Variants in PLEKHG4B observed in about 807,000 individuals in gnomAD.
PLEKHG4B encodes the protein pleckstrin homology domain-containing family G member 4B.
Under a neutral mutation model 121.3 loss-of-function variants are expected in PLEKHG4B, and 111 were observed. The ratio of observed to expected loss-of-function variants is 0.92; its 90% confidence interval spans 0.78 to 1.07. PLEKHG4B has a LOEUF of 1.07. PLEKHG4B is among the 50% of genes least tolerant of loss of function. The pLI, the probability that PLEKHG4B is intolerant of heterozygous loss-of-function variation, is 0.00. For missense variants in PLEKHG4B, 1,831 were observed against 1,757.8 expected, an observed-to-expected ratio of 1.04 and a Z score of -0.74; for synonymous variants, 738 against 725.0, an observed-to-expected ratio of 1.02 and a Z score of -0.29.
chr5:111,434 AC>A (rs1734153821), intron 1 of PLEKHG4B, among the ~76,000 whole-genome samples: 1 of 152,202 alleles, frequency 6.6e-6, no homozygotes, highest in African/African-American at 2.4e-5. Context: ...TCAGGGCTTG[AC>A]AGCGCAGTGC....
chr5:145,085 A>G (rs760804806), intron 6 of PLEKHG4B, among the ~76,000 whole-genome samples, 165 bp downstream of exon 6: 4 of 152,196 alleles, frequency 2.6e-5, no homozygotes, highest in Non-Finnish European at 4.4e-5. Flanking sequence ...GGGTCTTCCC[A>G]GTGAGTCCAG....
At chr5:117,179 A>G (rs1734330752) in intron 2 of PLEKHG4B, among the ~76,000 whole-genome samples, 2 of 152,236 alleles carry the variant, frequency 1.3e-5, no homozygotes. Flanking sequence ...ACTTAGGGAC[A>G]GTCTACTTGA....
chr5:113,960 G>A lies in PLEKHG4B; in HGVS notation c.243+512G>A, dbSNP rs982102502. Among the ~76,000 whole-genome samples the A allele has an allele frequency of 1.3e-4, 20 of 152,156 alleles. No homozygotes were observed. The highest frequency in any genetic ancestry group is 3.2e-3 in the Middle Eastern group (1 of 316). ...ACCAGCAAAGTAAGGCAGATACCAC[G>A]CTAATGCCAGACACACAAAGTTTTT... On this transcript the variant is annotated intron_variant, in intron 2 of 19. Transcript: ENST00000637938. The surrounding 1 kb of genome is among the most constrained non-coding windows in gnomAD (Gnocchi z 5.2).
intron 13 of PLEKHG4B, among the ~76,000 whole-genome samples, chr5:168,506 G>A (rs1257802844): frequency 4.6e-5 from 7 of 152,174 alleles, no homozygotes; most frequent in Non-Finnish European, 1.0e-4. Context: ...TCCAAAAGCC[G>A]TTTTCTCACG....
chr5:164,620 G>GTGACGGAGCGGAGCTCACACTAATGCTC (rs1560944977), intron 13 of PLEKHG4B, among the ~76,000 whole-genome samples: 3 of 132,288 alleles, frequency 2.3e-5, no homozygotes, highest in Non-Finnish European at 3.4e-5. Context: ...CAGTAATGCT[G>GTGACGGAGCGGAGCTCACACTAATGCTC]TGACGGAGCG....
chr5:138,471 C>T (rs368140253), intron 2 of PLEKHG4B, among the ~76,000 whole-genome samples: 11 of 152,188 alleles, frequency 7.2e-5, no homozygotes, highest in African/African-American at 2.4e-4. Flanking sequence ...TAGAAAAAGG[C>T]TTTTGAGAAT....
rs181902985 is a variant in PLEKHG4B at position 127,850 on chromosome 5, G to A, written c.244-11633G>A. 2.3e-3 allele frequency among the ~76,000 whole-genome samples: 355 copies of A among 152,274 alleles called. 1 individual carries two copies. The highest frequency in any genetic ancestry group is 8.0e-3 in the African/African-American group (333 of 41,532). On this transcript the variant is annotated intron_variant, in intron 2 of 19. Coordinates refer to ENST00000637938, the MANE Select transcript of PLEKHG4B (RefSeq NM_052909.5). ...ATGTGCCTGAGGTGGTCAGGGTACA[G>A]CTTGGTTTTATACATTTTAGGGATA... is the stretch of plus-strand genomic sequence containing the variant.
In PLEKHG4B at chr5:113,075, G is replaced by C. The variant is rs1049175271; in HGVS notation, c.46-176G>C. ...GACAGCACAAGGAGAACCACCAGGA[G>C]CTCGCCCTGCACCATGGATTCGCCT... On this transcript the variant is annotated intron_variant, in intron 1 of 19. Coordinates refer to ENST00000637938, the MANE Select transcript of PLEKHG4B (RefSeq NM_052909.5). This position sits in a 1 kb window ranked among gnomAD's most constrained non-coding sequence, Gnocchi z 5.2. Among the ~76,000 whole-genome samples, 1 of 152,168 alleles carries C rather than the reference G, an allele frequency of 6.6e-6. No individual in the cohort carries two copies. Among genetic ancestry groups the C allele is most frequent in the African/African-American group, 2.4e-5 (1 of 41,446 alleles).
At chr5:135,281 G>A (rs1168540051) in intron 2 of PLEKHG4B, among the ~76,000 whole-genome samples, 1 of 150,994 alleles carries the variant, frequency 6.6e-6, no homozygotes, top group Admixed American at 6.6e-5. Flanking sequence ...TAAAAGACTT[G>A]TTCACTGAAA....
intron 18 of PLEKHG4B, among the ~76,000 whole-genome samples, chr5:179,978 C>CT (rs1218861503): frequency 6.6e-6 from 1 of 152,192 alleles, no homozygotes; most frequent in African/African-American, 2.4e-5. Flanking sequence ...ATCCTGTGAT[C>CT]TACTTCCTGC....
chr5:121,445 G>A (rs1734466126), intron 2 of PLEKHG4B, among the ~76,000 whole-genome samples: 1 of 152,182 alleles, frequency 6.6e-6, no homozygotes, highest in Non-Finnish European at 1.5e-5. Flanking sequence ...CAAAACCTCA[G>A]TAACTGGTGT....
In PLEKHG4B at chr5:171,142, C is replaced by G. The variant is rs376386852; in HGVS notation, c.3819+10C>G. On this transcript the variant is annotated intron_variant, in intron 15 of 19. Transcript: ENST00000637938. Reference sequence around the variant, plus strand: ...CAACGCCTTCTTCAAGGTCATCCCCCTCGGCCCGCCCCCCACAGCCTGCCC... The same window carrying G: ...CAACGCCTTCTTCAAGGTCATCCCCGTCGGCCCGCCCCCCACAGCCTGCCC... The G allele has an allele frequency of 3.7e-6, 6 of 1,611,226 alleles. No individual in the cohort carries two copies. The highest frequency in any genetic ancestry group is 5.1e-6 in the Non-Finnish European group (6 of 1,178,690).
intron 2 of PLEKHG4B, among the ~76,000 whole-genome samples, chr5:118,627 A>T (rs182658096): frequency 5.3e-4 from 80 of 152,256 alleles, no homozygotes; most frequent in Non-Finnish European, 3.7e-4. Flanking sequence ...ACTCCCCTTC[A>T]TGTTGGTATT....
chr5:144,032 C>A (rs1019489596), intron 5 of PLEKHG4B: 2 of 156,824 alleles, frequency 1.3e-5, no homozygotes, highest in African/African-American at 4.8e-5. Flanking sequence ...TAGCCTCAAT[C>A]TCCTGGGCTA....
rs748829231 is a variant in PLEKHG4B at position 182,367 on chromosome 5, C to T, written c.*44C>T. The T allele has an allele frequency of 3.9e-6, 6 of 1,525,158 alleles. No individual in the cohort carries two copies. Among genetic ancestry groups the T allele is most frequent in the Admixed American group, 3.9e-5 (2 of 51,400 alleles). The allele number at this position is 1,525,158 out of a possible 1,614,324, so 94.5% of individuals were successfully genotyped here. On this transcript the variant is annotated 3_prime_UTR_variant, in exon 20 of 20. Coordinates refer to ENST00000637938, the MANE Select transcript of PLEKHG4B (RefSeq NM_052909.5). ...TGCCCATCATGTGGCTAGAACAATACAGAGGGAGCAGCACGCCAGGCCTGA... is the reference window on the plus strand; with the variant it reads ...TGCCCATCATGTGGCTAGAACAATATAGAGGGAGCAGCACGCCAGGCCTGA...
Position 184,054 on chromosome 5 carries a change from TA to T in PLEKHG4B, c.*1732del, listed in dbSNP as rs1259661350. On this transcript the variant is annotated 3_prime_UTR_variant, in exon 20 of 20. Transcript: ENST00000637938. ...ACTGACAGACAGATGAGAGGGGCCT[TA>T]GGGGCATTGGCTGACACAATTTTGG... 1 of 150,770 alleles carries T rather than the reference TA, an allele frequency of 6.6e-6. No homozygotes were observed. The highest frequency in any genetic ancestry group is 2.5e-5 in the African/African-American group (1 of 40,376). 9.3% of individuals were successfully genotyped at this position (150,770 alleles called of 1,614,324 possible). A position where few individuals can be genotyped will look rare whatever the true frequency, so the allele number is the denominator to read the frequency against.
intron 6 of PLEKHG4B, among the ~76,000 whole-genome samples, chr5:146,241 C>G (rs1450229344): frequency 7.7e-6 from 1 of 129,258 alleles, no homozygotes; most frequent in Non-Finnish European, 1.7e-5. Flanking sequence ...TTTCCACCCC[C>G]ACAGTCGTTC....
chr5:164,793 C>T (rs189149567), intron 13 of PLEKHG4B, among the ~76,000 whole-genome samples: 10 of 88,632 alleles, frequency 1.1e-4, no homozygotes, highest in South Asian at 4.4e-4. Flanking sequence ...AATGCTCTGA[C>T]GGGGCGGAGC....
chr5:105,592 C>G (rs1447377966), intron 1 of PLEKHG4B, among the ~76,000 whole-genome samples: 1 of 152,212 alleles, frequency 6.6e-6, no homozygotes, highest in African/African-American at 2.4e-5. Flanking sequence ...ACAGACCTGG[C>G]AAAGCAGCTG....
Sources: allele counts gnomAD v4.1 joint callset (sites outside exome capture counted in the v4.1 genomes callset), GRCh38; gene constraint gnomAD v4.1.1; non-coding constraint Gnocchi (gnomAD v3.1); transcripts MANE v1.5; gene names NCBI Gene and HGNC (gene_info 2026-07-23, HGNC 2026-07-21).